Variants in CDH12 observed in about 807,000 individuals in gnomAD.
CDH12 encodes cadherin 12.
Under a neutral mutation model 74.1 loss-of-function variants are expected in CDH12, and 41 were observed. The ratio of observed to expected loss-of-function variants is 0.55; its 90% confidence interval spans 0.43 to 0.72. The LOEUF (loss-of-function observed/expected upper bound fraction) is 0.72. CDH12 is among the 30% of genes least tolerant of loss of function. The pLI, the probability that CDH12 is intolerant of heterozygous loss-of-function variation, is 0.00. For missense variants in CDH12, 945 were observed against 977.2 expected (o/e 0.97, Z 0.44); for synonymous variants, 399 against 355.0 (o/e 1.12, Z -1.39).
At chr5:22,743,391 G>C (rs1299252056) in intron 1 of CDH12, among the ~76,000 whole-genome samples, 3 of 151,174 alleles carry the variant, frequency 2.0e-5, no homozygotes, top group Non-Finnish European at 4.4e-5. Flanking sequence ...AAAATCTTAG[G>C]GGAGAATGCT....
intron 1 of CDH12, among the ~76,000 whole-genome samples, chr5:22,777,965 C>T (rs1747189763): frequency 6.6e-6 from 1 of 152,004 alleles, no homozygotes; most frequent in Non-Finnish European, 1.5e-5. Flanking sequence ...GCCACCACTC[C>T]AAGCTAATTT....
chr5:22,503,598 G>T (rs2126659924), intron 2 of CDH12, among the ~76,000 whole-genome samples: 1 of 152,114 alleles, frequency 6.6e-6, no homozygotes, highest in South Asian at 2.1e-4. Context: ...GCATCAATAT[G>T]AATTCCACTC....
intron 1 of CDH12, among the ~76,000 whole-genome samples, chr5:22,766,453 T>C (rs1217052294): frequency 6.6e-6 from 1 of 152,058 alleles, no homozygotes; most frequent in East Asian, 1.9e-4. Flanking sequence ...GGTAAATTAT[T>C]AGATTATATT....
intron 1 of CDH12, among the ~76,000 whole-genome samples, chr5:22,780,766 C>T (rs960644759): frequency 6.6e-6 from 1 of 152,002 alleles, no homozygotes. Context: ...CAGAATGAGA[C>T]CCTGTTTCTC....
chr5:21,951,497 A>G (rs1294984347), intron 6 of CDH12, among the ~76,000 whole-genome samples: 3 of 151,678 alleles, frequency 2.0e-5, no homozygotes, highest in African/African-American at 7.3e-5. Flanking sequence ...ATTGGCCCGC[A>G]TCAGCCTCCC....
At chr5:22,480,195 T>C (rs571226588) in intron 2 of CDH12, among the ~76,000 whole-genome samples, 8 of 152,298 alleles carry the variant, frequency 5.3e-5, no homozygotes, top group Admixed American at 5.2e-4. Flanking sequence ...CCCTAAGTTA[T>C]TTTTAGGACA....
At chr5:22,094,571 G>C (rs1393217916) in intron 4 of CDH12, among the ~76,000 whole-genome samples, 5 of 152,074 alleles carry the variant, frequency 3.3e-5, no homozygotes, top group Non-Finnish European at 7.4e-5. Flanking sequence ...ATGTGGGAGA[G>C]GGGGAGAAAG....
chr5:22,070,228 T>C (rs375164610), intron 5 of CDH12, among the ~76,000 whole-genome samples: 11 of 152,298 alleles, frequency 7.2e-5, no homozygotes, highest in African/African-American at 2.4e-4. Flanking sequence ...CCAAGGACTT[T>C]ACATTCTTTT....
At chr5:22,663,899 T>G (rs973810295) in intron 1 of CDH12, among the ~76,000 whole-genome samples, 2 of 150,756 alleles carry the variant, frequency 1.3e-5, no homozygotes, top group African/African-American at 2.4e-5. Context: ...TTTTAACCAC[T>G]TTTTTTTTAA....
At position 22,078,516 on chromosome 5, in the gene CDH12, C is replaced by T. The variant is rs141662751; in HGVS notation, c.161G>A (p.Arg54His). 2.5e-6 allele frequency: 4 copies of T among 1,613,790 alleles called. No individual in the cohort carries two copies. The highest frequency in any genetic ancestry group is 1.3e-5 in the African/African-American group (1 of 74,886). Residue 54 changes from arginine to histidine, a missense_variant, in exon 5 of 15, where the codon CGT becomes CAT. Coordinates refer to ENST00000382254, the MANE Select transcript of CDH12 (RefSeq NM_004061.5). ...AAAAAATTGATTCCATACCCAGCCA[C>T]GTTTAACACGTTGGAAATGTGACCG... ...GQRSHFQRVK[R>H]GWVWNQFFVL...
intron 5 of CDH12, among the ~76,000 whole-genome samples, chr5:22,050,659 T>A (rs1337630149): frequency 6.6e-6 from 1 of 152,100 alleles, no homozygotes; most frequent in African/African-American, 2.4e-5. Flanking sequence ...ACACCTGGAG[T>A]TAATTTGGTC....
chr5:22,247,074 CT>C (rs753924927), intron 3 of CDH12, among the ~76,000 whole-genome samples: 2 of 152,152 alleles, frequency 1.3e-5, no homozygotes, highest in Non-Finnish European at 2.9e-5. Flanking sequence ...ATTACTCACA[CT>C]TAGGTACCTA....
chr5:22,140,060 C>T (rs1339851049), intron 4 of CDH12, among the ~76,000 whole-genome samples: 1 of 152,086 alleles, frequency 6.6e-6, no homozygotes, highest in Admixed American at 6.6e-5. Context: ...AACTTTCACC[C>T]CTTTGCATAG....
intron 1 of CDH12, among the ~76,000 whole-genome samples, chr5:22,761,113 T>C (rs1746205212): frequency 1.3e-5 from 2 of 152,230 alleles, no homozygotes; most frequent in Admixed American, 6.5e-5. Context: ...CTCTCACTTC[T>C]TAATGAATGA....
chr5:22,482,677 C>G (rs187516879), intron 2 of CDH12, among the ~76,000 whole-genome samples: 18 of 151,976 alleles, frequency 1.2e-4, no homozygotes, highest in Non-Finnish European at 2.5e-4. Flanking sequence ...TGGAATTTAA[C>G]CCTTAGTAAG....
intron 1 of CDH12, among the ~76,000 whole-genome samples, chr5:22,821,512 T>C (rs561304926): frequency 6.6e-6 from 1 of 152,140 alleles, no homozygotes; most frequent in East Asian, 1.9e-4. Flanking sequence ...AAATCTCCTT[T>C]AGCTGATAAG....
chr5:22,474,817 G>A (rs538641221), intron 2 of CDH12, among the ~76,000 whole-genome samples: 1 of 152,088 alleles, frequency 6.6e-6, no homozygotes, highest in South Asian at 2.1e-4. Flanking sequence ...CCCAAAGCAG[G>A]TCCAACTCTC....
intron 1 of CDH12, among the ~76,000 whole-genome samples, chr5:22,613,030 A>G (rs932344801): frequency 2.6e-5 from 4 of 152,130 alleles, no homozygotes; most frequent in Non-Finnish European, 4.4e-5. Context: ...CGTATCATTC[A>G]TATTCCTGAA....
intron 2 of CDH12, among the ~76,000 whole-genome samples, chr5:22,450,375 C>T (rs1319690117): frequency 6.6e-6 from 1 of 151,910 alleles, no homozygotes; most frequent in Non-Finnish European, 1.5e-5. Context: ...CACCTCCTTT[C>T]TTCTAAAGTC....
Sources: gnomAD v4.1 joint callset for allele counts (sites outside exome capture counted in the v4.1 genomes callset) on GRCh38, gnomAD v4.1.1 for gene constraint, MANE v1.5 for transcripts, NCBI Gene and HGNC (gene_info 2026-07-23, HGNC 2026-07-21) for gene names.